The following SRPX variants were observed in gnomAD, a reference collection of about 807,000 sequenced individuals.
The protein encoded by SRPX is sushi repeat-containing protein SRPX.
Under a neutral mutation model 38.1 loss-of-function variants are expected in SRPX, and 24 were observed. That is an observed-to-expected ratio of 0.63 (90% CI 0.46 to 0.89). The LOEUF (loss-of-function observed/expected upper bound fraction) is 0.89. SRPX is among the 40% of genes least tolerant of loss of function. The pLI is 0.00. For missense variants in SRPX, 416 were observed against 377.8 expected, an observed-to-expected ratio of 1.10 and a Z score of -0.84; for synonymous variants, 184 against 153.8, an observed-to-expected ratio of 1.20 and a Z score of -1.45.
intron 5 of SRPX, among the ~76,000 whole-genome samples, chrX:38,164,211 T>C (rs1311849038): frequency 4.5e-5 from 5 of 110,803 alleles, no homozygotes; most frequent in Non-Finnish European, 9.5e-5. Flanking sequence ...GGTGCAATCT[T>C]GGCTCACTGC....
intron 5 of SRPX, among the ~76,000 whole-genome samples, chrX:38,162,456 A>G (rs1938281986): frequency 8.9e-6 from 1 of 112,273 alleles, no homozygotes; most frequent in East Asian, 2.8e-4. Flanking sequence ...TGGGTTGTAG[A>G]ACTCTGGAAG....
Position 38,169,663 on chromosome X carries a change from C to G in SRPX, c.526+2218G>C, listed in dbSNP as rs762766195. Among the ~76,000 whole-genome samples the G allele has an allele frequency of 4.5e-5, 5 of 112,127 alleles. No individual in the cohort carries two copies. In the South Asian group the frequency reaches 1.9e-3, roughly 42 times the overall value. On this transcript the variant is annotated intron_variant, in intron 4 of 9. Coordinates refer to ENST00000378533, the MANE Select transcript of SRPX (RefSeq NM_006307.5). ...TTGTTAAAGTAATTAAATGGATACT[C>G]TCTGAATGTCAAAAGACCTTTGCTG...
At chrX:38,153,226 G>A (rs1023389344) in intron 9 of SRPX, among the ~76,000 whole-genome samples, 5 of 108,119 alleles carry the variant, frequency 4.6e-5, no homozygotes, top group South Asian at 4.1e-4. Context: ...TTCATCAGCC[G>A]ACTAAAGAGA....
At chrX:38,195,395 T>C (rs1026531116) in intron 1 of SRPX, among the ~76,000 whole-genome samples, 3 of 108,534 alleles carry the variant, frequency 2.8e-5, no homozygotes, top group African/African-American at 1.0e-4. Flanking sequence ...TTTTTTTTTT[T>C]TTTTTTACCA....
At chrX:38,170,449 T>TTGTC (rs1393537769) in intron 4 of SRPX, among the ~76,000 whole-genome samples, 2 of 112,190 alleles carry the variant, frequency 1.8e-5, no homozygotes, top group Non-Finnish European at 3.8e-5. Context: ...AAACCTCAGC[T>TTGTC]TGTCTGTCGC....
Position 38,161,061 on chromosome X carries a change from G to T in SRPX, c.654-7C>A. The T allele has an allele frequency of 1.7e-6, 2 of 1,204,321 alleles. No individual in the cohort carries two copies. On this transcript the variant is annotated splice_polypyrimidine_tract_variant and splice_region_variant and intron_variant, in intron 5 of 9. Transcript: ENST00000378533. ...GAGGCCTTTTAGAATGACACTTAGA[G>T]AAAAAAAATCAGAAACAGGAAAGAT...
chrX:38,187,142 T>G (rs1034190152), intron 1 of SRPX, among the ~76,000 whole-genome samples: 2 of 111,964 alleles, frequency 1.8e-5, no homozygotes, highest in Admixed American at 1.9e-4. Flanking sequence ...CATTTTCTAC[T>G]TAATTATGTG....
chrX:38,178,464 C>T, intron 1 of SRPX, 120 bp from the exon 2 acceptor site: 2 of 530,016 alleles, frequency 3.8e-6, no homozygotes, highest in Non-Finnish European at 3.1e-6. Context: ...GAGCCAAGAG[C>T]AAAAGCTTCT....
intron 1 of SRPX, among the ~76,000 whole-genome samples, chrX:38,198,654 G>A (rs1273129106): frequency 3.6e-5 from 4 of 111,487 alleles, no homozygotes; most frequent in East Asian, 5.6e-4. Context: ...CAACACTGAT[G>A]GTACAAACAT....
chrX:38,185,901 G>A (rs1418132964), intron 1 of SRPX, among the ~76,000 whole-genome samples: 52 of 104,995 alleles, frequency 5.0e-4, no homozygotes, highest in African/African-American at 1.7e-3. Context: ...AAAAAAAAGG[G>A]GGGGGGGAGT....
In SRPX at chrX:38,158,258, C is replaced by A. The variant is rs757132112; in HGVS notation, c.956-1229G>T. ...CAGGCAAACAGGACATGGGACAAGG[C>A]GGTTTTATAATAGGTCTTCCCTTTA... is the stretch of plus-strand genomic sequence containing the variant. On this transcript the variant is annotated intron_variant, in intron 7 of 9. Coordinates refer to ENST00000378533, the MANE Select transcript of SRPX (RefSeq NM_006307.5). Among the ~76,000 whole-genome samples the A allele has an allele frequency of 3.6e-5, 4 of 111,704 alleles. 1 individual carries two copies. Among genetic ancestry groups the A allele is most frequent in the African/African-American group, 3.3e-5 (1 of 30,699 alleles).
chrX:38,199,406 A>G (rs893877534), intron 1 of SRPX, among the ~76,000 whole-genome samples: 2 of 110,184 alleles, frequency 1.8e-5, no homozygotes, highest in African/African-American at 6.6e-5. Context: ...ACTCCATCTC[A>G]AAAAAATAAT....
chrX:38,168,735 A>T, intron 4 of SRPX, among the ~76,000 whole-genome samples: 1 of 112,381 alleles, frequency 8.9e-6, no homozygotes, highest in Non-Finnish European at 1.9e-5. Context: ...CCCCAGCCAG[A>T]GCGTAATCTC....
intron 6 of SRPX, 123 bp from the exon 7 acceptor site, chrX:38,160,319 AG>A: frequency 3.0e-6 from 2 of 674,290 alleles, no homozygotes; most frequent in Admixed American, 6.2e-5. Flanking sequence ...CTGTGAAATG[AG>A]TGAGGGAGGA....
intron 1 of SRPX, among the ~76,000 whole-genome samples, chrX:38,193,014 T>C (rs993971250): frequency 1.8e-5 from 2 of 112,491 alleles, no homozygotes; most frequent in Admixed American, 9.4e-5. Flanking sequence ...CCTTTTACCA[T>C]GCAGGAGCAG....
chrX:38,150,103 C>G lies in SRPX; in HGVS notation c.1212-209G>C, dbSNP rs41305357. ...CTTGCTAGAAATGGAGACTCTCATGCCCAACCCCAAACCTACTGAATTAGT... is the reference window on the plus strand; with the variant it reads ...CTTGCTAGAAATGGAGACTCTCATGGCCAACCCCAAACCTACTGAATTAGT... On this transcript the variant is annotated intron_variant, in intron 9 of 9. Transcript: ENST00000378533. 9.8e-4 allele frequency among the ~76,000 whole-genome samples: 109 copies of G among 111,596 alleles called. No homozygotes were observed. In the South Asian group the frequency reaches 0.012, roughly 12 times the overall value.
intron 1 of SRPX, among the ~76,000 whole-genome samples, chrX:38,181,207 A>T (rs761389997): frequency 3.6e-5 from 4 of 112,427 alleles, no homozygotes; most frequent in Non-Finnish European, 7.5e-5. Flanking sequence ...CCAGAGCAGG[A>T]TGTCAGAGCC....
chrX:38,160,334 A>T lies in SRPX; in HGVS notation c.776-138T>A. On this transcript the variant is annotated intron_variant, in intron 6 of 9. Coordinates refer to ENST00000378533, the MANE Select transcript of SRPX (RefSeq NM_006307.5). Reference sequence around the variant, plus strand: ...CTGTGAAATGAGTGAGGGAGGAGGGATGACTATTTGGTCAGTGAGTGAGTC... The same window carrying T: ...CTGTGAAATGAGTGAGGGAGGAGGGTTGACTATTTGGTCAGTGAGTGAGTC... The T allele has an allele frequency of 1.3e-5, 8 of 595,050 alleles. No individual in the cohort carries two copies. The South Asian group carries it at 2.4e-4, about 18-fold the overall frequency. The allele number at this position is 595,050 out of a possible 1,213,427, so 49.0% of individuals were successfully genotyped here.
intron 8 of SRPX, among the ~76,000 whole-genome samples, chrX:38,155,863 G>A (rs935535468): frequency 8.9e-6 from 1 of 111,780 alleles, no homozygotes; most frequent in Non-Finnish European, 1.9e-5. Context: ...TAAGCTGGTG[G>A]GGACCAGGGG....
Sources: allele counts gnomAD v4.1 joint callset (sites outside exome capture counted in the v4.1 genomes callset), GRCh38; gene constraint gnomAD v4.1.1; transcripts MANE v1.5; gene names NCBI Gene and HGNC (gene_info 2026-07-23, HGNC 2026-07-21).